The following IGF2BP2 variants were observed in gnomAD, a reference collection of about 807,000 sequenced individuals.
IGF2BP2 encodes the protein insulin-like growth factor 2 mRNA-binding protein 2.
Under a neutral mutation model 75.8 loss-of-function variants are expected in IGF2BP2, and 17 were observed. The observed-to-expected ratio is 0.22, with a 90% CI of 0.15 to 0.34. The LOEUF is 0.34. IGF2BP2 is among the 10% of genes least tolerant of loss of function. The pLI is 1.00. For synonymous variants in IGF2BP2, 288 were observed against 295.6 expected, an observed-to-expected ratio of 0.97 and a Z score of 0.26; for missense variants, 516 against 772.4, an observed-to-expected ratio of 0.67 and a Z score of 3.93.
At chr3:185,806,543 A>C (rs1739057741) in intron 2 of IGF2BP2, among the ~76,000 whole-genome samples, 1 of 152,240 alleles carries the variant, frequency 6.6e-6, no homozygotes, top group African/African-American at 2.4e-5. Context: ...GGCTATGGGA[A>C]TATGTAATGC....
chr3:185,682,479 T>C (rs1038219898), intron 7 of IGF2BP2, among the ~76,000 whole-genome samples: 1 of 152,190 alleles, frequency 6.6e-6, no homozygotes, highest in Non-Finnish European at 1.5e-5. Flanking sequence ...TAAACTTTTG[T>C]TCCTTATAAA....
At chr3:185,821,822 T>C (rs1023017750) in intron 2 of IGF2BP2, among the ~76,000 whole-genome samples, 3 of 152,184 alleles carry the variant, frequency 2.0e-5, no homozygotes, top group Non-Finnish European at 2.9e-5. Flanking sequence ...AAATAGTTAA[T>C]ATATCAGAAA....
At chr3:185,655,093 G>A (rs1560231814) in intron 12 of IGF2BP2, among the ~76,000 whole-genome samples, 1 of 152,214 alleles carries the variant, frequency 6.6e-6, no homozygotes, top group African/African-American at 2.4e-5. Context: ...TCAGGGACCT[G>A]TTGAGACAAA....
intron 2 of IGF2BP2, among the ~76,000 whole-genome samples, chr3:185,719,690 T>C (rs1726204586): frequency 6.6e-6 from 1 of 152,110 alleles, no homozygotes; most frequent in Admixed American, 6.5e-5. Context: ...AAAAATTAGC[T>C]GGACGTGGTG....
intron 2 of IGF2BP2, chr3:185,716,410 T>C (rs1560346958): frequency 2.0e-6 from 1 of 492,962 alleles, no homozygotes; most frequent in Non-Finnish European, 4.0e-6. Context: ...AATATCCCTC[T>C]TTTCTTTCCC....
At chr3:185,694,702 T>C (rs574412517) in intron 4 of IGF2BP2, among the ~76,000 whole-genome samples, 6 of 152,316 alleles carry the variant, frequency 3.9e-5, no homozygotes, top group South Asian at 2.1e-4. Context: ...TTGCGTAGCA[T>C]TGTCCTCAGT....
At chr3:185,711,993 A>G (rs1162869513) in intron 2 of IGF2BP2, among the ~76,000 whole-genome samples, 1 of 152,188 alleles carries the variant, frequency 6.6e-6, no homozygotes, top group Non-Finnish European at 1.5e-5. Flanking sequence ...TGTGCTCAGG[A>G]GAGTTGGTGC....
chr3:185,802,019 A>AGG (rs1382150806), intron 2 of IGF2BP2, among the ~76,000 whole-genome samples: 1 of 151,848 alleles, frequency 6.6e-6, no homozygotes, highest in Non-Finnish European at 1.5e-5. Context: ...GTCAAGCAGT[A>AGG]GGGGGCAAGG....
At position 185,794,375 on chromosome 3, in the gene IGF2BP2, T is replaced by C. The variant is rs932821536; in HGVS notation, c.239+28778A>G. Among the ~76,000 whole-genome samples, 6 of 110,512 alleles carry C rather than the reference T, an allele frequency of 5.4e-5. 1 individual carries two copies. In the East Asian group the frequency reaches 6.6e-4, roughly 12 times the overall value. The allele number at this position is 110,512 out of a possible 152,430, so 72.5% of individuals were successfully genotyped here. A position where few individuals can be genotyped will look rare whatever the true frequency, so the allele number is the denominator to read the frequency against. On this transcript the variant is annotated intron_variant, in intron 2 of 15. Transcript: ENST00000382199. ...TATTTCTTTGCTAAGGACTTAATCATAGACTCACAGAATTCTAGAACAGAC... is the reference window on the plus strand; with the variant it reads ...TATTTCTTTGCTAAGGACTTAATCACAGACTCACAGAATTCTAGAACAGAC...
intron 2 of IGF2BP2, among the ~76,000 whole-genome samples, chr3:185,709,869 A>G (rs1459831973): frequency 6.6e-6 from 1 of 152,126 alleles, no homozygotes; most frequent in African/African-American, 2.4e-5. Flanking sequence ...CCTCTACCCA[A>G]ATTTTTCGAC....
At chr3:185,808,995 T>C (rs1487503317) in intron 2 of IGF2BP2, among the ~76,000 whole-genome samples, 1 of 152,224 alleles carries the variant, frequency 6.6e-6, no homozygotes, top group Non-Finnish European at 1.5e-5. Flanking sequence ...TCACAGTAAC[T>C]TTAGATGCTG....
intron 12 of IGF2BP2, among the ~76,000 whole-genome samples, chr3:185,656,619 T>C (rs915844529): frequency 2.2e-4 from 33 of 152,238 alleles, no homozygotes; most frequent in Non-Finnish European, 7.3e-5. Context: ...CTCAGCATTC[T>C]GCCCGTGAGT....
chr3:185,689,122 C>G lies in IGF2BP2; in HGVS notation c.677+233G>C, dbSNP rs1721554573. ...AGTTCGCTTACAGGAACAGTCCTGG[C>G]TGTGAGGTTATCAGTACCCTCTTTA... On this transcript the variant is annotated intron_variant, in intron 6 of 15. Coordinates refer to ENST00000382199, the MANE Select transcript of IGF2BP2 (RefSeq NM_006548.6). 4 of 542,942 alleles carry G rather than the reference C, an allele frequency of 7.4e-6. No homozygotes were observed. In the East Asian group the frequency reaches 1.3e-4, roughly 17 times the overall value. 33.6% of individuals were successfully genotyped at this position (542,942 alleles called of 1,614,324 possible). A position where few individuals can be genotyped will look rare whatever the true frequency, so the allele number is the denominator to read the frequency against.
At chr3:185,800,939 G>A (rs895707897) in intron 2 of IGF2BP2, among the ~76,000 whole-genome samples, 1 of 150,040 alleles carries the variant, frequency 6.7e-6, no homozygotes, top group African/African-American at 2.4e-5. Context: ...CAGAATGGGA[G>A]AAAAATTTTG....
intron 11 of IGF2BP2, among the ~76,000 whole-genome samples, 184 bp downstream of exon 11, chr3:185,658,157 A>T (rs1431839707): frequency 6.6e-6 from 1 of 152,158 alleles, no homozygotes; most frequent in African/African-American, 2.4e-5. Context: ...CCTCTGCAGA[A>T]CCTCAAGAGC....
At chr3:185,691,106 T>A (rs1040966829) in intron 5 of IGF2BP2, among the ~76,000 whole-genome samples, 10 of 152,190 alleles carry the variant, frequency 6.6e-5, no homozygotes, top group Middle Eastern at 3.2e-3. Context: ...TCTTTTTTTT[T>A]ATTTTTTTCG....
In IGF2BP2 at chr3:185,647,078, C is replaced by T. The variant is rs1178158411; in HGVS notation, c.1654G>A (p.Asp552Asn). ...CTGACGATCACTTCCTCATTTTCAT[C>T]TGGCGTTTGGTCACGAGGCACGATG... ...EVIVPRDQTP[D>N]ENEEVIVRII... is the part of the protein sequence containing the mutation. Residue 552 changes from aspartate (D) to asparagine (N), a missense_variant, in exon 15 of 16, where the codon GAT (aspartate) becomes AAT (asparagine). Asp to Asn is a conservative substitution (Grantham distance 23). Around this residue, in one of 3 missense-constraint regions of IGF2BP2, gnomAD observed 129 missense variants for 230.5 expected, o/e 0.56. Transcript: ENST00000382199. The surrounding 1 kb of genome is among the most constrained non-coding windows in gnomAD (Gnocchi z 4.9). The T allele has an allele frequency of 6.2e-7, 1 of 1,614,176 alleles. No individual in the cohort carries two copies.
intron 2 of IGF2BP2, chr3:185,722,131 A>G (rs1455197366): frequency 2.8e-6 from 1 of 357,590 alleles, no homozygotes; most frequent in South Asian, 2.0e-5. Context: ...AGAGTGTCTC[A>G]CTATGTTGCC....
intron 2 of IGF2BP2, among the ~76,000 whole-genome samples, chr3:185,736,848 C>T (rs554906478): frequency 6.6e-6 from 1 of 152,310 alleles, no homozygotes; most frequent in South Asian, 2.1e-4. Flanking sequence ...CCCTGATACG[C>T]AAAACTGTGC....
Sources: gnomAD v4.1 joint callset for allele counts (sites outside exome capture counted in the v4.1 genomes callset) on GRCh38, gnomAD v4.1.1 for gene constraint, gnomAD v4.1.1 regional missense constraint, Gnocchi (gnomAD v3.1) non-coding constraint, MANE v1.5 for transcripts, NCBI Gene and HGNC (gene_info 2026-07-23, HGNC 2026-07-21) for gene names.